Variants in CAMTA1 observed in about 807,000 individuals in gnomAD.
CAMTA1 encodes calmodulin-binding transcription activator 1.
A neutral mutation model predicts 170.9 loss-of-function variants in CAMTA1; 27 were observed. The ratio of observed to expected loss-of-function variants is 0.16; its 90% CI spans 0.12 to 0.22. CAMTA1 has a LOEUF of 0.22. CAMTA1 is among the 10% of genes least tolerant of loss of function. The probability of loss-of-function intolerance (pLI) is 1.00; values close to 1 mark genes in which losing one functional copy is unlikely to be tolerated. For missense variants in CAMTA1, 1,619 were observed against 2,217.2 expected, an observed-to-expected ratio of 0.73 and a Z score of 5.42; for synonymous variants, 833 against 891.5, an observed-to-expected ratio of 0.93 and a Z score of 1.17.
chr1:7,103,810 A>G (rs1389167959), intron 4 of CAMTA1, among the ~76,000 whole-genome samples: 1 of 141,060 alleles, frequency 7.1e-6, no homozygotes, highest in East Asian at 2.2e-4. Flanking sequence ...ACATATACAT[A>G]CAACTACACA....
chr1:7,061,558 A>AG (rs35326886), intron 3 of CAMTA1, among the ~76,000 whole-genome samples: 110,108 of 151,840 alleles, frequency 0.73, 40,738 homozygotes, highest in African/African-American at 0.87. Context: ...GGCCTTTTGG[A>AG]GAGGTCAAGA....
In CAMTA1 at chr1:7,768,113, T is replaced by TTAA. The variant is rs1288027567; in HGVS notation, c.*1622_*1623insTAA. The stretch of plus-strand genomic sequence containing the variant: ...CTCCAACAAAGAACACTTAGAATGA[T>TTAA]AAAAAAAAAAAAAAAAAACCTGACA... On this transcript the variant is annotated 3_prime_UTR_variant, in exon 23 of 23. Transcript: ENST00000303635. 3 of 136,242 alleles carry TTAA rather than the reference T, an allele frequency of 2.2e-5. No individual in the cohort carries two copies. The highest frequency in any genetic ancestry group is 8.1e-5 in the African/African-American group (3 of 36,936). The allele number at this position is 136,242 out of a possible 1,614,324, so 8.4% of individuals were successfully genotyped here.
In CAMTA1 at chr1:7,300,987, T is replaced by C. The variant is rs1269589337; in HGVS notation, c.438+51361T>C. On this transcript the variant is annotated intron_variant, in intron 5 of 22. Transcript: ENST00000303635. This position sits in a 1 kb window ranked among gnomAD's most constrained non-coding sequence, Gnocchi z 4.1. ...ACACACATTGGATTCTAGCAGCAATTACCCACCATCCTTTATGCAAGTCGG... is the reference window on the plus strand; with the variant it reads ...ACACACATTGGATTCTAGCAGCAATCACCCACCATCCTTTATGCAAGTCGG... Among the ~76,000 whole-genome samples, 2 of 152,196 alleles carry C rather than the reference T, an allele frequency of 1.3e-5. No homozygotes were observed. The highest frequency in any genetic ancestry group is 3.9e-4 in the East Asian group (2 of 5,190).
intron 1 of CAMTA1, among the ~76,000 whole-genome samples, chr1:6,818,337 A>AAAAC (rs957199109): frequency 2.1e-4 from 32 of 152,270 alleles, no homozygotes; most frequent in African/African-American, 3.4e-4. Flanking sequence ...ACTCCGTCTC[A>AAAAC]AAACAAACAA....
At chr1:6,959,770 C>T (rs1334223258) in intron 3 of CAMTA1, among the ~76,000 whole-genome samples, 1 of 152,196 alleles carries the variant, frequency 6.6e-6, no homozygotes, top group African/African-American at 2.4e-5. Context: ...AAGGTCACTT[C>T]ACTAGTAAGT....
In CAMTA1 at chr1:7,003,698, G is replaced by A. The variant is rs149896737; in HGVS notation, c.235-87606G>A. On this transcript the variant is annotated intron_variant, in intron 3 of 22. Transcript: ENST00000303635. ...TTGGTGATCATGGGAGGCCACAGAG[G>A]TACTTTGTTCAGAAGTTATTGTTTC... 2.6e-5 allele frequency among the ~76,000 whole-genome samples: 4 copies of A among 152,292 alleles called. No individual in the cohort carries two copies. In the East Asian group the frequency reaches 7.7e-4, roughly 29 times the overall value.
intron 6 of CAMTA1, among the ~76,000 whole-genome samples, chr1:7,569,251 C>A (rs1354611617): frequency 6.7e-6 from 1 of 148,850 alleles, no homozygotes; most frequent in Non-Finnish European, 1.5e-5. Flanking sequence ...TCATCATCAT[C>A]ACCAAATCAC....
chr1:7,690,635 G>A (rs115509968), intron 11 of CAMTA1, among the ~76,000 whole-genome samples: 1 of 152,200 alleles, frequency 6.6e-6, no homozygotes, highest in Non-Finnish European at 1.5e-5. Context: ...CACCAGGAGG[G>A]ACAGCAGCTG....
chr1:7,272,535 A>G (rs939747520), intron 5 of CAMTA1, among the ~76,000 whole-genome samples: 1 of 152,074 alleles, frequency 6.6e-6, no homozygotes, highest in Non-Finnish European at 1.5e-5. Context: ...AGGTATTGGC[A>G]TAAGAATAGA....
At chr1:6,804,410 T>C (rs1380795805) in intron 1 of CAMTA1, among the ~76,000 whole-genome samples, 1 of 152,114 alleles carries the variant, frequency 6.6e-6, no homozygotes, top group South Asian at 2.1e-4. Flanking sequence ...TTCTTTTGTA[T>C]ATTTACATGT....
Position 7,007,800 on chromosome 1 carries a change from G to A in CAMTA1, c.235-83504G>A, listed in dbSNP as rs535692759. Among the ~76,000 whole-genome samples, 1 of 152,316 alleles carries A rather than the reference G, an allele frequency of 6.6e-6. No individual in the cohort carries two copies. The highest frequency in any genetic ancestry group is 1.5e-5 in the Non-Finnish European group (1 of 68,020). On this transcript the variant is annotated intron_variant, in intron 3 of 22. Transcript: ENST00000303635. This position sits in a 1 kb window ranked among gnomAD's most constrained non-coding sequence, Gnocchi z 4.5. ...GGGTCATCCACTCCTCCAGAAGAGA[G>A]GCCAGGGAGCATTCCATCAGCCCCA... is the stretch of plus-strand genomic sequence containing the variant.
At chr1:7,758,466 G>A (rs1379742721) in intron 22 of CAMTA1, among the ~76,000 whole-genome samples, 2 of 152,134 alleles carry the variant, frequency 1.3e-5, no homozygotes, top group Non-Finnish European at 2.9e-5. Flanking sequence ...TGTGAACCAA[G>A]GAATAGCGTA....
intron 3 of CAMTA1, among the ~76,000 whole-genome samples, chr1:6,949,800 A>G (rs973562328): frequency 2.0e-5 from 3 of 152,278 alleles, no homozygotes; most frequent in Non-Finnish European, 2.9e-5. Flanking sequence ...CACAACAAGT[A>G]AGTGCAAAAG....
intron 4 of CAMTA1, among the ~76,000 whole-genome samples, chr1:7,121,956 T>G (rs1159627015): frequency 6.6e-6 from 1 of 151,948 alleles, no homozygotes; most frequent in Non-Finnish European, 1.5e-5. Flanking sequence ...ACCTTCTCCT[T>G]GGGGCTCCTA....
intron 5 of CAMTA1, among the ~76,000 whole-genome samples, chr1:7,292,206 G>A (rs976156790): frequency 9.2e-5 from 14 of 152,250 alleles, no homozygotes; most frequent in African/African-American, 3.1e-4. Flanking sequence ...TTGTTCTGCG[G>A]CTTCCTGGGA....
intron 3 of CAMTA1, among the ~76,000 whole-genome samples, chr1:7,018,132 G>A (rs573418193): frequency 6.8e-4 from 104 of 152,200 alleles, no homozygotes; most frequent in African/African-American, 2.5e-3. Context: ...CCTGGCTAAT[G>A]CCAGGGCTTT....
chr1:7,185,412 A>T (rs141437510), intron 4 of CAMTA1, among the ~76,000 whole-genome samples: 165 of 152,300 alleles, frequency 1.1e-3, no homozygotes, highest in African/African-American at 3.7e-3. Context: ...ACTCATGGAG[A>T]TGTGGTAAAA....
chr1:6,876,386 A>G (rs1376787230), intron 3 of CAMTA1, among the ~76,000 whole-genome samples: 2 of 147,600 alleles, frequency 1.4e-5, no homozygotes, highest in Non-Finnish European at 1.5e-5. Flanking sequence ...TTTGAGACGG[A>G]GTTTTGCTCT....
At chr1:7,309,513 A>T (rs1035649721) in intron 5 of CAMTA1, among the ~76,000 whole-genome samples, 1 of 151,164 alleles carries the variant, frequency 6.6e-6, no homozygotes, top group African/African-American at 2.4e-5. Context: ...TTTAGCCGGG[A>T]TGGTCTCGAT....
Sources: gnomAD v4.1 joint callset for allele counts (sites outside exome capture counted in the v4.1 genomes callset) on GRCh38, gnomAD v4.1.1 for gene constraint, Gnocchi (gnomAD v3.1) non-coding constraint, MANE v1.5 for transcripts, NCBI Gene and HGNC (gene_info 2026-07-23, HGNC 2026-07-21) for gene names.